The following ARMC6 variants were observed in gnomAD, a reference collection of about 807,000 sequenced individuals.
ARMC6 encodes the protein armadillo repeat-containing protein 6.
ARMC6 carries 43 observed loss-of-function variants against 49.2 expected under a neutral mutation model. The observed-to-expected ratio is 0.87, with a 90% CI of 0.69 to 1.13. The LOEUF is 1.13. ARMC6 is among the 50% of genes most tolerant of loss of function. ARMC6 has a pLI of 0.00. For synonymous variants in ARMC6, 262 were observed against 289.6 expected, an observed-to-expected ratio of 0.90 and a Z score of 0.97; for missense variants, 627 against 682.0, an observed-to-expected ratio of 0.92 and a Z score of 0.90.
chr19:19,055,706 G>A lies in ARMC6; in HGVS notation c.1156-85G>A, dbSNP rs978589915. 1.3e-6 allele frequency: 2 copies of A among 1,496,844 alleles called. No individual in the cohort carries two copies. Among genetic ancestry groups the A allele is most frequent in the African/African-American group, 2.8e-5 (2 of 71,916 alleles). The allele number at this position is 1,496,844 out of a possible 1,614,324, so 92.7% of individuals were successfully genotyped here. On this transcript the variant is annotated intron_variant, in intron 7 of 8. Coordinates refer to ENST00000535612, the MANE Select transcript of ARMC6 (RefSeq NM_001199196.2). The surrounding 1 kb of genome is among the most constrained non-coding windows in gnomAD (Gnocchi z 5.7). Reference sequence around the variant, plus strand: ...ACCCACGGAGGGGAGGCCGCAGGGTGTTCACCAGGGGTTGGTGGCCATGGC... The same window carrying A: ...ACCCACGGAGGGGAGGCCGCAGGGTATTCACCAGGGGTTGGTGGCCATGGC...
chr19:19,046,131 G>A (rs74481863), intron 4 of ARMC6, among the ~76,000 whole-genome samples: 2,404 of 152,186 alleles, frequency 0.016, 71 homozygotes, highest in African/African-American at 0.055. Context: ...CGTTCTACCA[G>A]CAGTACAGGA....
chr19:19,042,002 T>C (rs1328268136), intron 2 of ARMC6, among the ~76,000 whole-genome samples: 5 of 152,118 alleles, frequency 3.3e-5, no homozygotes, highest in African/African-American at 1.2e-4. Flanking sequence ...CAAGCGATCC[T>C]GCTACCTCAG....
At chr19:19,039,498 G>A (rs1221995631) in intron 2 of ARMC6, 1 of 333,082 alleles carries the variant, frequency 3.0e-6, no homozygotes, top group Non-Finnish European at 6.1e-6. Context: ...ATTCAAGAAC[G>A]TTTTCATCAC....
intron 4 of ARMC6, among the ~76,000 whole-genome samples, chr19:19,047,890 C>T (rs1175852145): frequency 5.9e-5 from 9 of 152,188 alleles, no homozygotes; most frequent in African/African-American, 1.9e-4. Flanking sequence ...AGCTGAAAGC[C>T]GGGGCTTCCA....
chr19:19,043,011 T>G, intron 3 of ARMC6, 134 bp downstream of exon 3: 1 of 1,130,640 alleles, frequency 8.8e-7, no homozygotes, highest in Non-Finnish European at 1.3e-6. Flanking sequence ...CCCTGTCCCC[T>G]CCAGCTTCTG....
In ARMC6 at chr19:19,052,098, T is replaced by C; in HGVS notation, c.756T>C (p.Asp252=). Residue 252 remains aspartate, a synonymous_variant, in exon 5 of 9, where the codon GAT becomes GAC. Transcript: ENST00000535612. The part of the protein sequence containing the change: ...ACWALRVMTF[D]DDIRVPFGHA... ...GGGCCCTGCGTGTCATGACCTTCGA[T>C]GACGACATCCGTGTGCCCTTTGGCC... The C allele has an allele frequency of 6.2e-7, 1 of 1,613,948 alleles. No homozygotes were observed. The highest frequency in any genetic ancestry group is 8.5e-7 in the Non-Finnish European group (1 of 1,180,048).
intron 2 of ARMC6, among the ~76,000 whole-genome samples, chr19:19,041,912 T>A (rs1364627180): frequency 6.7e-6 from 1 of 149,948 alleles, no homozygotes; most frequent in Non-Finnish European, 1.5e-5. Context: ...TGTTAGAATC[T>A]TTTTTTTTTC....
At chr19:19,042,454 T>G (rs918580616) in intron 2 of ARMC6, among the ~76,000 whole-genome samples, 1 of 152,130 alleles carries the variant, frequency 6.6e-6, no homozygotes, top group Admixed American at 6.6e-5. Flanking sequence ...GCTCAAGTGA[T>G]CCTCCCACCT....
chr19:19,051,544 A>C (rs780661148), intron 4 of ARMC6, 78 bp from the exon 5 acceptor site: 8 of 1,344,370 alleles, frequency 6.0e-6, no homozygotes, highest in Non-Finnish European at 8.2e-6. Context: ...GGAACCTTGC[A>C]GGGGTCCAGA....
At position 19,034,207 on chromosome 19, in the gene ARMC6, T is replaced by G. The variant is rs767545534; in HGVS notation, c.-3T>G. 4.4e-6 allele frequency: 7 copies of G among 1,594,422 alleles called. No individual in the cohort carries two copies. In the South Asian group the frequency reaches 5.6e-5, roughly 13 times the overall value. ...GGACAAGGAGGCTACAGGGTACAAA[T>G]AAATGAGTGAACGATGTTGCTCTAG... On this transcript the variant is annotated 5_prime_UTR_variant, in exon 2 of 9. Transcript: ENST00000535612.
intron 2 of ARMC6, among the ~76,000 whole-genome samples, chr19:19,041,392 A>C (rs1450462256): frequency 6.6e-6 from 1 of 152,126 alleles, no homozygotes; most frequent in East Asian, 1.9e-4. Context: ...TCTGTTGCCC[A>C]GGCTGGTGTG....
Position 19,033,899 on chromosome 19 carries a change from C to A in ARMC6, c.-111C>A, listed in dbSNP as rs1026580194. 1 of 395,002 alleles carries A rather than the reference C, an allele frequency of 2.5e-6. No homozygotes were observed. Among genetic ancestry groups the A allele is most frequent in the African/African-American group, 2.1e-5 (1 of 46,790 alleles). 24.5% of individuals were successfully genotyped at this position (395,002 alleles called of 1,614,324 possible). On this transcript the variant is annotated 5_prime_UTR_variant, in exon 1 of 9. Transcript: ENST00000535612. ...GGCTCCCTGGGTGACAACCGCGCGC[C>A]CCACCTTTCCCCACGTGGCCGCGAA...
chr19:19,041,637 C>G (rs960644734), intron 2 of ARMC6, among the ~76,000 whole-genome samples: 1 of 152,190 alleles, frequency 6.6e-6, no homozygotes, highest in African/African-American at 2.4e-5. Flanking sequence ...GCATGCGCCA[C>G]TGCACCCAGC....
Position 19,055,940 on chromosome 19 carries a change from AG to A in ARMC6, c.1293+16del. On this transcript the variant is annotated intron_variant, in intron 8 of 8. Transcript: ENST00000535612. This position sits in a 1 kb window ranked among gnomAD's most constrained non-coding sequence, Gnocchi z 5.7. ...AGGCCGGCGTGCAGGTGGGCAGGGC[AG>A]GGGATGGGGGCAGGCAGGCTGGTGT... 1 of 1,603,612 alleles carries A rather than the reference AG, an allele frequency of 6.2e-7. No individual in the cohort carries two copies.
chr19:19,055,334 G>C lies in ARMC6; in HGVS notation c.1093G>C (p.Val365Leu). ...AGNDDVKDAIVRAGGTESIVA... is the reference protein window; with the variant it reads ...AGNDDVKDAILRAGGTESIVA... ...CAACGACGACGTGAAAGATGCTATT[G>C]TCCGTGCTGGTGGGACGGAGTCCAT... is the stretch of plus-strand genomic sequence containing the variant. The change falls in exon 7 of 9, where the codon GTC (valine) becomes CTC (leucine). Residue 365 changes from valine (V) to leucine (L), a missense_variant. Val to Leu is a conservative substitution (Grantham distance 32). Transcript: ENST00000535612. The surrounding 1 kb of genome is among the most constrained non-coding windows in gnomAD (Gnocchi z 5.7). The C allele has an allele frequency of 1.2e-6, 2 of 1,613,436 alleles. No individual in the cohort carries two copies. Among genetic ancestry groups the C allele is most frequent in the Non-Finnish European group, 1.7e-6 (2 of 1,179,666 alleles).
intron 2 of ARMC6, among the ~76,000 whole-genome samples, chr19:19,035,604 C>T (rs1015190594): frequency 6.6e-6 from 1 of 152,090 alleles, no homozygotes; most frequent in South Asian, 2.1e-4. Context: ...ACCTTCCCAA[C>T]TCAGTCAGCT....
chr19:19,036,369 C>T (rs1397319819), intron 2 of ARMC6, among the ~76,000 whole-genome samples: 1 of 152,188 alleles, frequency 6.6e-6, no homozygotes, highest in Non-Finnish European at 1.5e-5. Flanking sequence ...GCCAAATCTG[C>T]ATTTTTACAT....
rs777081918 is a variant in ARMC6 at position 19,054,362 on chromosome 19, G to A, written c.1023+41G>A. Reference sequence around the variant, plus strand: ...GGCCCATTGCGTGCTGTCCTTCTGGGTCCCAGTCAACCGGACGAGCTATAG... The same window carrying A: ...GGCCCATTGCGTGCTGTCCTTCTGGATCCCAGTCAACCGGACGAGCTATAG... On this transcript the variant is annotated intron_variant, in intron 6 of 8. Transcript: ENST00000535612. 13 of 1,458,822 alleles carry A rather than the reference G, an allele frequency of 8.9e-6. No individual in the cohort carries two copies. The East Asian group carries it at 3.4e-4, about 38-fold the overall frequency. The allele number at this position is 1,458,822 out of a possible 1,614,324, so 90.4% of individuals were successfully genotyped here.
chr19:19,044,117 G>T (rs761274782), intron 4 of ARMC6, 43 bp downstream of exon 4: 4 of 1,564,814 alleles, frequency 2.6e-6, no homozygotes, highest in East Asian at 4.5e-5. Context: ...CGTCACCTCT[G>T]TCTGGGGGCA....
Sources: allele counts gnomAD v4.1 joint callset (sites outside exome capture counted in the v4.1 genomes callset), GRCh38; gene constraint gnomAD v4.1.1; non-coding constraint Gnocchi (gnomAD v3.1); transcripts MANE v1.5; gene names NCBI Gene and HGNC (gene_info 2026-07-23, HGNC 2026-07-21).